The following PPP2R5C variants were observed in gnomAD, a reference collection of about 807,000 sequenced individuals.
PPP2R5C encodes serine/threonine-protein phosphatase 2A 56 kDa regulatory subunit gamma isoform.
Under a neutral mutation model 68.9 loss-of-function variants are expected in PPP2R5C, and 7 were observed. That is an observed-to-expected ratio of 0.10 (90% CI 0.06 to 0.19). The LOEUF is 0.19. PPP2R5C is among the 10% of genes least tolerant of loss of function. The probability of loss-of-function intolerance (pLI) is 1.00; values close to 1 mark genes in which losing one functional copy is unlikely to be tolerated. For missense variants in PPP2R5C, 348 were observed against 641.3 expected, an observed-to-expected ratio of 0.54 and a Z score of 4.94; for synonymous variants, 210 against 222.2, an observed-to-expected ratio of 0.95 and a Z score of 0.49.
At chr14:101,840,985 A>C (rs2041436093) in intron 1 of PPP2R5C, among the ~76,000 whole-genome samples, 1 of 152,234 alleles carries the variant, frequency 6.6e-6, no homozygotes, top group Non-Finnish European at 1.5e-5. Context: ...AGATGCTGGT[A>C]AGTCACTTGA....
chr14:101,882,399 C>A lies in PPP2R5C; in HGVS notation c.405+128C>A. 1 of 587,470 alleles carries A rather than the reference C, an allele frequency of 1.7e-6. No homozygotes were observed. The highest frequency in any genetic ancestry group is 3.0e-6 in the Non-Finnish European group (1 of 337,604). 36.4% of individuals were successfully genotyped at this position (587,470 alleles called of 1,614,324 possible). On this transcript the variant is annotated intron_variant, in intron 3 of 13. Transcript: ENST00000334743. This position sits in a 1 kb window ranked among gnomAD's most constrained non-coding sequence, Gnocchi z 4.9. ...TCCTCAGTAGCATGGGCCTCGTAAA[C>A]CCATATGTACAAGAAAAATATTTCA...
chr14:101,867,576 G>A (rs780452275), intron 2 of PPP2R5C, among the ~76,000 whole-genome samples: 5 of 152,134 alleles, frequency 3.3e-5, no homozygotes, highest in African/African-American at 9.6e-5. Flanking sequence ...TCAGGAGCTC[G>A]AGACCAGCCT....
chr14:101,832,384 CA>C (rs2040803530), intron 1 of PPP2R5C, among the ~76,000 whole-genome samples: 1 of 152,134 alleles, frequency 6.6e-6, no homozygotes, highest in Non-Finnish European at 1.5e-5. Flanking sequence ...ATTAGCACAT[CA>C]AATCCATGGT....
intron 9 of PPP2R5C, among the ~76,000 whole-genome samples, chr14:101,904,391 C>A (rs1175331115): frequency 6.6e-6 from 1 of 152,100 alleles, no homozygotes; most frequent in East Asian, 1.9e-4. Context: ...CTCAAGTGAT[C>A]CACCTGCCTC....
At chr14:101,894,653 A>G (rs2045183088) in intron 8 of PPP2R5C, 93 bp downstream of exon 10, 2 of 1,229,418 alleles carry the variant, frequency 1.6e-6, no homozygotes, top group African/African-American at 3.0e-5. Flanking sequence ...CCATTCATTC[A>G]GACTTTTTCA....
In PPP2R5C at chr14:101,781,330, C is replaced by G. The variant is rs1188710740; in HGVS notation, c.94-4688C>G. Among the ~76,000 whole-genome samples the G allele has an allele frequency of 6.6e-6, 1 of 152,218 alleles. No individual in the cohort carries two copies. Among genetic ancestry groups the G allele is most frequent in the Admixed American group, 6.5e-5 (1 of 15,292 alleles). On this transcript the variant is annotated intron_variant, in intron 2 of 14. Coordinates refer to the PPP2R5C transcript ENST00000328724. The surrounding 1 kb of genome is among the most constrained non-coding windows in gnomAD (Gnocchi z 6.4). Reference sequence around the variant, plus strand: ...TCAGACCTTCCCCACCCTCCGAAGCCTCAACCCGCCCTGCGCCTCCCGGTG... The same window carrying G: ...TCAGACCTTCCCCACCCTCCGAAGCGTCAACCCGCCCTGCGCCTCCCGGTG...
chr14:101,769,045 C>T (rs143790096), intron 2 of PPP2R5C, among the ~76,000 whole-genome samples: 1,563 of 152,214 alleles, frequency 0.01, 31 homozygotes, highest in African/African-American at 0.036. Context: ...AGGATGGTCT[C>T]GGTCTCCTGA....
intron 1 of PPP2R5C, among the ~76,000 whole-genome samples, chr14:101,847,913 G>A (rs1371539372): frequency 6.6e-6 from 1 of 151,980 alleles, no homozygotes. Context: ...TGCCCTCCTC[G>A]GCCTTCCAAA....
intron 9 of PPP2R5C, among the ~76,000 whole-genome samples, chr14:101,903,092 T>C (rs1463232068): frequency 6.6e-6 from 1 of 151,720 alleles, no homozygotes; most frequent in East Asian, 1.9e-4. Flanking sequence ...GTGAGCACTT[T>C]GCACAAAGGA....
rs761555784 is a variant in PPP2R5C at position 101,894,498 on chromosome 14, A to G, written c.799-9A>G. 6.2e-7 allele frequency: 1 copy of G among 1,612,948 alleles called. No individual in the cohort carries two copies. The highest frequency in any genetic ancestry group is 1.7e-5 in the Admixed American group (1 of 59,970). On this transcript the variant is annotated splice_polypyrimidine_tract_variant and intron_variant, in intron 7 of 13. Transcript: ENST00000334743. ...AAATGTTAATGCTCTTTCTCCTTTT[A>G]CTTTTTAGCTGGCATACTGTGTAGT...
intron 12 of PPP2R5C, chr14:101,914,421 C>T (rs80298030): frequency 0.024 from 6,016 of 246,582 alleles, 241 homozygotes; most frequent in African/African-American, 0.091. Flanking sequence ...ATTCTGATCA[C>T]TGCTTCCCAT....
intron 1 of PPP2R5C, among the ~76,000 whole-genome samples, chr14:101,816,246 C>G (rs572990974): frequency 6.6e-6 from 1 of 152,270 alleles, no homozygotes; most frequent in African/African-American, 2.4e-5. Context: ...CTTGCTCAGG[C>G]GCTGTTTCCG....
chr14:101,801,277 T>C (rs2038850865), intron 3 of PPP2R5C, among the ~76,000 whole-genome samples: 1 of 152,204 alleles, frequency 6.6e-6, no homozygotes, highest in African/African-American at 2.4e-5. Context: ...TACTCTGACC[T>C]GGTCATTACA....
intron 2 of PPP2R5C, among the ~76,000 whole-genome samples, chr14:101,865,824 C>T (rs1566920826): frequency 6.6e-6 from 1 of 152,150 alleles, no homozygotes; most frequent in Non-Finnish European, 1.5e-5. Context: ...ACCAGGGGGA[C>T]GCCTCAATGC....
At chr14:101,798,153 T>TAA (rs781608022) in intron 3 of PPP2R5C, among the ~76,000 whole-genome samples, 1 of 143,714 alleles carries the variant, frequency 7.0e-6, no homozygotes, top group African/African-American at 2.5e-5. Flanking sequence ...GTTTCCAGTT[T>TAA]AAAAAAAAAA....
intron 5 of PPP2R5C, among the ~76,000 whole-genome samples, chr14:101,885,518 G>A (rs1015951127): frequency 9.2e-5 from 13 of 141,598 alleles, no homozygotes; most frequent in Non-Finnish European, 1.8e-4. Context: ...CACAGCCTGC[G>A]TCAGGAGCAC....
At chr14:101,854,957 G>A (rs868402416) in intron 1 of PPP2R5C, among the ~76,000 whole-genome samples, 2 of 152,290 alleles carry the variant, frequency 1.3e-5, no homozygotes, top group South Asian at 4.1e-4. Context: ...ATCACTTGAG[G>A]CCAGGAGCTC....
rs1008287142 is a variant in PPP2R5C, at chr14:101,781,181, T to TC, written c.94-4833dup. 1.3e-5 allele frequency among the ~76,000 whole-genome samples: 2 copies of TC among 152,058 alleles called. No homozygotes were observed. Among genetic ancestry groups the TC allele is most frequent in the African/African-American group, 4.8e-5 (2 of 41,390 alleles). On this transcript the variant is annotated intron_variant, in intron 2 of 14. Transcript: ENST00000328724. The surrounding 1 kb of genome is among the most constrained non-coding windows in gnomAD (Gnocchi z 6.4). ...GCCGGGTGTCGGGGCTGCGGCAGGG[T>TC]CCCCACCGGGCTGTCCACGAACCAG...
intron 1 of PPP2R5C, among the ~76,000 whole-genome samples, chr14:101,848,445 C>T (rs1287526935): frequency 6.6e-6 from 1 of 151,924 alleles, no homozygotes; most frequent in Non-Finnish European, 1.5e-5. Context: ...GCAGGAGAAT[C>T]GCTTGAACCC....
Sources: gnomAD v4.1 joint callset for allele counts (sites outside exome capture counted in the v4.1 genomes callset) on GRCh38, gnomAD v4.1.1 for gene constraint, Gnocchi (gnomAD v3.1) non-coding constraint, MANE v1.5 for transcripts, NCBI Gene and HGNC (gene_info 2026-07-23, HGNC 2026-07-21) for gene names.